The following EBF3 variants were observed in gnomAD, a reference collection of about 807,000 sequenced individuals.
EBF3 encodes the protein EBF transcription factor 3.
A neutral mutation model predicts 77.1 loss-of-function variants in EBF3; 18 were observed. The ratio of observed to expected loss-of-function variants is 0.23; its 90% confidence interval spans 0.16 to 0.35. The LOEUF (loss-of-function observed/expected upper bound fraction) is 0.35. EBF3 is among the 10% of genes least tolerant of loss of function. The pLI is 1.00. For synonymous variants in EBF3, 350 were observed against 343.5 expected (o/e 1.02, Z -0.21); for missense variants, 558 against 860.0 (o/e 0.65, Z 4.39).
At chr10:129,912,175 T>C (rs923863483) in intron 6 of EBF3, among the ~76,000 whole-genome samples, 6 of 151,972 alleles carry the variant, frequency 3.9e-5, no homozygotes, top group African/African-American at 1.5e-4. Flanking sequence ...TTCCTGCGCA[T>C]GGAATATCGC....
intron 10 of EBF3, among the ~76,000 whole-genome samples, chr10:129,862,049 C>A (rs923493496): frequency 6.6e-6 from 1 of 152,116 alleles, no homozygotes; most frequent in Non-Finnish European, 1.5e-5. Context: ...ATTGTGGACA[C>A]CCGCCAGGAG....
chr10:129,902,716 A>G (rs183340901), intron 6 of EBF3, among the ~76,000 whole-genome samples: 1 of 152,316 alleles, frequency 6.6e-6, no homozygotes, highest in East Asian at 1.9e-4. Context: ...TGAGCGTGTA[A>G]CTAACTGTAC....
intron 15 of EBF3, 48 bp from the exon 16 acceptor site, chr10:129,839,243 T>C (rs763523834): frequency 1.1e-6 from 1 of 894,588 alleles, no homozygotes; most frequent in South Asian, 1.4e-5. Flanking sequence ...TGGGTTCATG[T>C]TTCTAAAGGA....
In EBF3 at chr10:129,841,996, A is replaced by T. The variant is rs1003350659; in HGVS notation, c.1372+120T>A. ...TGAGCAAAGGAACCAGCAGAGCCAG[A>T]GAGAACAGAACGCTACGGACATTCC... On this transcript the variant is annotated intron_variant, in intron 13 of 16. Coordinates refer to ENST00000440978, the MANE Select transcript of EBF3 (RefSeq NM_001375380.1). The surrounding 1 kb of genome is among the most constrained non-coding windows in gnomAD (Gnocchi z 4.6). 3.8e-6 allele frequency: 5 copies of T among 1,311,760 alleles called. No individual in the cohort carries two copies. In the African/African-American group the frequency reaches 5.9e-5, roughly 15 times the overall value. The allele number at this position is 1,311,760 out of a possible 1,614,324, so 81.3% of individuals were successfully genotyped here.
chr10:129,925,591 C>CAAAAAAAAAAAAAAAAAAAA, intron 6 of EBF3, among the ~76,000 whole-genome samples: 1 of 114,578 alleles, frequency 8.7e-6, no homozygotes, highest in Non-Finnish European at 1.8e-5. Flanking sequence ...GACTCCATCT[C>CAAAAAAAAAAAAAAAAAAAA]AAAAAAAAAA....
chr10:129,846,222 A>G (rs1215620390), intron 11 of EBF3, among the ~76,000 whole-genome samples: 1 of 151,750 alleles, frequency 6.6e-6, no homozygotes, highest in Admixed American at 6.6e-5. Flanking sequence ...ATTAGGAGGT[A>G]AACTTCAATT....
chr10:129,884,622 T>C (rs758054344), intron 6 of EBF3, among the ~76,000 whole-genome samples: 2 of 152,188 alleles, frequency 1.3e-5, no homozygotes, highest in Non-Finnish European at 2.9e-5. Flanking sequence ...GCGGCAAGCT[T>C]GAATTTTACA....
At position 129,917,225 on chromosome 10, in the gene EBF3, T is replaced by C. The variant is rs560984583; in HGVS notation, c.555-39376A>G. On this transcript the variant is annotated intron_variant, in intron 6 of 16. Transcript: ENST00000440978. ...CTCTACTAAAAATACAAAAATTAGC[T>C]GGGCGTGGTGGCACACGCCTGTAGT... 3.9e-5 allele frequency among the ~76,000 whole-genome samples: 6 copies of C among 152,150 alleles called. No individual in the cohort carries two copies. The East Asian group carries it at 9.7e-4, about 25-fold the overall frequency.
intron 5 of EBF3, among the ~76,000 whole-genome samples, chr10:129,958,723 T>C (rs1315906540): frequency 1.3e-5 from 2 of 152,192 alleles, no homozygotes; most frequent in East Asian, 1.9e-4. Context: ...TAATCCGCTC[T>C]GCTGAGCAGC....
At position 129,848,299 on chromosome 10, in the gene EBF3, T is replaced by C; in HGVS notation, c.1128+93A>G. The C allele has an allele frequency of 7.7e-7, 1 of 1,306,570 alleles. No homozygotes were observed. The highest frequency in any genetic ancestry group is 1.1e-6 in the Non-Finnish European group (1 of 901,958). The allele number at this position is 1,306,570 out of a possible 1,614,324, so 80.9% of individuals were successfully genotyped here. On this transcript the variant is annotated intron_variant, in intron 11 of 16. Coordinates refer to ENST00000440978, the MANE Select transcript of EBF3 (RefSeq NM_001375380.1). This position sits in a 1 kb window ranked among gnomAD's most constrained non-coding sequence, Gnocchi z 4.4. ...GGCACAGAGTTTGGGGAATCTGCAA[T>C]CCCCCCTTCCCAGAGCACCTGCTGC... is the stretch of plus-strand genomic sequence containing the variant.
At chr10:129,875,442 C>CTTTGA (rs1852706662) in intron 7 of EBF3, among the ~76,000 whole-genome samples, 1 of 152,050 alleles carries the variant, frequency 6.6e-6, no homozygotes, top group South Asian at 2.1e-4. Context: ...GTGATCCACC[C>CTTTGA]GCCTCAGCCT....
chr10:129,843,096 A>AC, intron 12 of EBF3, 41 bp downstream of exon 12: 2 of 1,372,172 alleles, frequency 1.5e-6, no homozygotes, highest in Non-Finnish European at 2.0e-6. Flanking sequence ...GGGTTCTGGC[A>AC]TGGGGGGGAG....
At chr10:129,923,730 A>C (rs1413842721) in intron 6 of EBF3, among the ~76,000 whole-genome samples, 1 of 152,242 alleles carries the variant, frequency 6.6e-6, no homozygotes, top group Non-Finnish European at 1.5e-5. Flanking sequence ...GCAACATTGG[A>C]TTTGATTTCT....
rs1422492590 is a variant in EBF3, at chr10:129,870,112, A to C, written c.782-2200T>G. 6.6e-6 allele frequency among the ~76,000 whole-genome samples: 1 copy of C among 152,144 alleles called. No individual in the cohort carries two copies. The highest frequency in any genetic ancestry group is 1.5e-5 in the Non-Finnish European group (1 of 68,044). Reference sequence around the variant, plus strand: ...GGCAGCTGTGGCCCAGTGGAAAGCCACATCATCTCGGAATTTGTAGTGCTT... The same window carrying C: ...GGCAGCTGTGGCCCAGTGGAAAGCCCCATCATCTCGGAATTTGTAGTGCTT... On this transcript the variant is annotated intron_variant, in intron 8 of 16. Coordinates refer to ENST00000440978, the MANE Select transcript of EBF3 (RefSeq NM_001375380.1). The surrounding 1 kb of genome is among the most constrained non-coding windows in gnomAD (Gnocchi z 4.4).
intron 11 of EBF3, among the ~76,000 whole-genome samples, chr10:129,844,510 G>A (rs1201425118): frequency 6.6e-6 from 1 of 152,116 alleles, no homozygotes; most frequent in Non-Finnish European, 1.5e-5. Context: ...TTAAATCTGT[G>A]TTACATCTGA....
chr10:129,924,932 G>A (rs1026799890), intron 6 of EBF3, among the ~76,000 whole-genome samples: 5 of 152,118 alleles, frequency 3.3e-5, no homozygotes, highest in East Asian at 1.9e-4. Context: ...CCGAAGCGCC[G>A]AGATGACAGG....
chr10:129,912,301 T>C (rs1855581343), intron 6 of EBF3, among the ~76,000 whole-genome samples: 1 of 152,176 alleles, frequency 6.6e-6, no homozygotes, highest in Non-Finnish European at 1.5e-5. Flanking sequence ...ACCGGGCCTT[T>C]ACATCCTTAC....
At position 129,883,786 on chromosome 10, in the gene EBF3, G is replaced by A. The variant is rs76762639; in HGVS notation, c.555-5937C>T. On this transcript the variant is annotated intron_variant, in intron 6 of 16. Transcript: ENST00000440978. The stretch of plus-strand genomic sequence containing the variant: ...GGGGAGGATGGGGAACAGCTGCTTC[G>A]TGGGTACAGGGTTTCCTCTTGTGGG... Among the ~76,000 whole-genome samples the A allele has an allele frequency of 8.1e-3, 1,232 of 152,306 alleles. 6 individuals carry two copies. The highest frequency in any genetic ancestry group is 0.033 in the East Asian group (169 of 5,180).
Position 129,943,229 on chromosome 10 carries a change from T to C in EBF3, c.554+14029A>G, listed in dbSNP as rs1298997443. On this transcript the variant is annotated intron_variant, in intron 6 of 16. Coordinates refer to ENST00000440978, the MANE Select transcript of EBF3 (RefSeq NM_001375380.1). This position sits in a 1 kb window ranked among gnomAD's most constrained non-coding sequence, Gnocchi z 8.8. ...ACCCGGCCTTCCCAGTTGGAGGGGA[T>C]TTCAGCGGCTCTCCACAAACAAATA... Among the ~76,000 whole-genome samples, 1 of 152,188 alleles carries C rather than the reference T, an allele frequency of 6.6e-6. No homozygotes were observed. Among genetic ancestry groups the C allele is most frequent in the Non-Finnish European group, 1.5e-5 (1 of 68,038 alleles).
Sources: allele counts gnomAD v4.1 joint callset (sites outside exome capture counted in the v4.1 genomes callset), GRCh38; gene constraint gnomAD v4.1.1; non-coding constraint Gnocchi (gnomAD v3.1); transcripts MANE v1.5; gene names NCBI Gene and HGNC (gene_info 2026-07-23, HGNC 2026-07-21).